ALK: variants seen among roughly 807,000 people sequenced by gnomAD.
The protein encoded by ALK is ALK tyrosine kinase receptor.
In ALK, 74 loss-of-function variants were observed where a neutral mutation model predicts 163.1. The ratio of observed to expected loss-of-function variants is 0.45; its 90% CI spans 0.38 to 0.55. ALK has a LOEUF of 0.55. Among genes scored for constraint, ALK ranks in the 20% least tolerant of loss-of-function variants. ALK has a pLI of 0.00. For synonymous variants in ALK, 960 were observed against 843.2 expected (o/e 1.14, Z -2.40); for missense variants, 2,063 against 2,105.3 (o/e 0.98, Z 0.39).
rs576031904 is a variant in ALK, at chr2:29,332,878, T to C, written c.1283-4397A>G. ...TTTTCATAGGATAGATTCCCAGAAG[T>C]GGAATTACTGAATCAAAAGGTATAA... is the stretch of plus-strand genomic sequence containing the variant. On this transcript the variant is annotated intron_variant, in intron 5 of 28. Transcript: ENST00000389048. Among the ~76,000 whole-genome samples the C allele has an allele frequency of 2.0e-5, 3 of 152,324 alleles. No homozygotes were observed. In the East Asian group the frequency reaches 5.8e-4, roughly 29 times the overall value.
chr2:29,314,731 C>T (rs1184045654), intron 8 of ALK, among the ~76,000 whole-genome samples: 7 of 152,140 alleles, frequency 4.6e-5, no homozygotes, highest in Admixed American at 4.6e-4. Flanking sequence ...GGCCTGAGAA[C>T]GTGGTTTAAA....
chr2:29,328,570 C>T, intron 5 of ALK, 89 bp from the exon 6 acceptor site: 2 of 1,544,650 alleles, frequency 1.3e-6, no homozygotes, highest in Non-Finnish European at 1.8e-6. Context: ...GGGCAGGCTG[C>T]AGGGACAGCA....
At chr2:29,375,718 G>A (rs888718662) in intron 5 of ALK, among the ~76,000 whole-genome samples, 1 of 152,184 alleles carries the variant, frequency 6.6e-6, no homozygotes, top group Admixed American at 6.5e-5. Flanking sequence ...CTAGTCTATG[G>A]CAAGTAAGAG....
At chr2:29,415,929 C>T (rs1025055717) in intron 4 of ALK, among the ~76,000 whole-genome samples, 1 of 152,210 alleles carries the variant, frequency 6.6e-6, no homozygotes, top group East Asian at 1.9e-4. Context: ...CAGCAACTCC[C>T]ACCCCTACCC....
At chr2:29,691,123 T>C (rs192419198) in intron 3 of ALK, among the ~76,000 whole-genome samples, 22 of 152,210 alleles carry the variant, frequency 1.4e-4, no homozygotes, top group Admixed American at 1.4e-3. Context: ...GGAACAACGC[T>C]ACTTCAGGGA....
chr2:29,249,726 C>T (rs1664769890), intron 12 of ALK, among the ~76,000 whole-genome samples: 1 of 152,194 alleles, frequency 6.6e-6, no homozygotes, highest in Admixed American at 6.5e-5. Context: ...CATTCCTCTC[C>T]TCCTCTCCAG....
intron 3 of ALK, among the ~76,000 whole-genome samples, chr2:29,612,897 A>G (rs1675736266): frequency 6.6e-6 from 1 of 152,230 alleles, no homozygotes; most frequent in Non-Finnish European, 1.5e-5. Context: ...TCCAGACTAC[A>G]TAACACCTTC....
chr2:29,757,731 G>A (rs1346851017), intron 1 of ALK, among the ~76,000 whole-genome samples: 1 of 152,048 alleles, frequency 6.6e-6, no homozygotes, highest in Non-Finnish European at 1.5e-5. Context: ...GGGCAAGACA[G>A]TAAATATTTT....
intron 1 of ALK, among the ~76,000 whole-genome samples, chr2:29,736,746 A>C (rs998961279): frequency 1.8e-4 from 27 of 152,086 alleles, no homozygotes; most frequent in African/African-American, 6.3e-4. Flanking sequence ...CAATGACAAG[A>C]CATAGAAAAA....
intron 1 of ALK, among the ~76,000 whole-genome samples, chr2:29,723,554 G>C (rs1014573533): frequency 6.6e-6 from 1 of 152,200 alleles, no homozygotes; most frequent in Admixed American, 6.5e-5. Context: ...ATAAATATTT[G>C]TCAAATAAAT....
intron 4 of ALK, among the ~76,000 whole-genome samples, chr2:29,528,023 C>G (rs1673006188): frequency 6.6e-6 from 1 of 152,196 alleles, no homozygotes; most frequent in South Asian, 2.1e-4. Flanking sequence ...CTTATTTGTG[C>G]TTTAAAATGC....
Position 29,209,773 on chromosome 2 carries a change from A to G in ALK, c.3836+13T>C, listed in dbSNP as rs2148154969. 1 of 1,608,780 alleles carries G rather than the reference A, an allele frequency of 6.2e-7. No individual in the cohort carries two copies. Among genetic ancestry groups the G allele is most frequent in the South Asian group, 1.1e-5 (1 of 90,962 alleles). ...AGAGACAGGCCCGGAGGGGTGAGGCAGTCTTTACTCACCTGTAGATGTCTC... is the reference window on the plus strand; with the variant it reads ...AGAGACAGGCCCGGAGGGGTGAGGCGGTCTTTACTCACCTGTAGATGTCTC... On this transcript the variant is annotated intron_variant, in intron 25 of 28. Transcript: ENST00000389048.
At chr2:29,833,729 C>G (rs547643320) in intron 1 of ALK, among the ~76,000 whole-genome samples, 1 of 152,176 alleles carries the variant, frequency 6.6e-6, no homozygotes, top group Non-Finnish European at 1.5e-5. Context: ...AAGGTGACAC[C>G]GTTCATAGGT....
At chr2:29,207,486 C>T (rs1016519152) in intron 25 of ALK, among the ~76,000 whole-genome samples, 4 of 152,192 alleles carry the variant, frequency 2.6e-5, no homozygotes, top group African/African-American at 7.2e-5. Context: ...AAACAAACCA[C>T]GAGAGGCATG....
chr2:29,225,357 C>T (rs2148176028), intron 19 of ALK, 104 bp downstream of exon 19: 1 of 1,071,724 alleles, frequency 9.3e-7, no homozygotes, highest in Non-Finnish European at 1.4e-6. Flanking sequence ...ATTCCAGGGA[C>T]TAGCATAACG....
At chr2:29,340,876 C>T (rs1412474917) in intron 5 of ALK, among the ~76,000 whole-genome samples, 1 of 152,122 alleles carries the variant, frequency 6.6e-6, no homozygotes, top group Admixed American at 6.5e-5. Flanking sequence ...ACAGATACAT[C>T]GTCTCTCCTT....
At chr2:29,913,505 AAAG>A (rs940086290) in intron 1 of ALK, among the ~76,000 whole-genome samples, 54 of 152,290 alleles carry the variant, frequency 3.5e-4, no homozygotes, top group African/African-American at 1.1e-3. Flanking sequence ...CAATGGCTGT[AAAG>A]AAGAAGGACT....
chr2:29,300,745 G>C (rs17783899), intron 8 of ALK, among the ~76,000 whole-genome samples: 23,157 of 151,986 alleles, frequency 0.15, 1,889 homozygotes, highest in Middle Eastern at 0.19. Context: ...TCTCCAATAA[G>C]AACTTTCTTG....
chr2:29,435,146 C>G (rs776112791), intron 4 of ALK, among the ~76,000 whole-genome samples: 3 of 152,084 alleles, frequency 2.0e-5, no homozygotes, highest in African/African-American at 7.2e-5. Context: ...ACCCAAAACG[C>G]GGTGGAAATG....
Sources: gnomAD v4.1 joint callset for allele counts (sites outside exome capture counted in the v4.1 genomes callset) on GRCh38, gnomAD v4.1.1 for gene constraint, MANE v1.5 for transcripts, NCBI Gene and HGNC (gene_info 2026-07-23, HGNC 2026-07-21) for gene names.